Variants in RPF1 observed in about 807,000 individuals in gnomAD.
RPF1 encodes the protein ribosome production factor 1 homolog, also known as ribosome production factor 1.
In RPF1, 34 loss-of-function variants were observed where a neutral mutation model predicts 41.9. The observed-to-expected ratio is 0.81, with a 90% CI of 0.62 to 1.08. The LOEUF is 1.08. RPF1 is among the 50% of genes least tolerant of loss of function. The pLI, the probability that RPF1 is intolerant of heterozygous loss-of-function variation, is 0.00. For synonymous variants in RPF1, 140 were observed against 148.9 expected (o/e 0.94, Z 0.43); for missense variants, 425 against 435.2 (o/e 0.98, Z 0.21).
intron 3 of RPF1, among the ~76,000 whole-genome samples, chr1:84,486,087 A>T (rs925739049): frequency 6.6e-6 from 1 of 152,180 alleles, no homozygotes; most frequent in African/African-American, 2.4e-5. Flanking sequence ...CCAGTGCACA[A>T]GCTCCAAGGC....
chr1:84,497,382 AT>A, intron 8 of RPF1, 46 bp from the exon 9 acceptor site: 1 of 1,496,218 alleles, frequency 6.7e-7, no homozygotes, highest in Non-Finnish European at 9.3e-7. Context: ...TGTTAATTAT[AT>A]TTTTGTTTTG....
At position 84,492,239 on chromosome 1, in the gene RPF1, G is replaced by T. The variant is rs151154368; in HGVS notation, c.616+1767G>T. On this transcript the variant is annotated intron_variant, in intron 5 of 8. Transcript: ENST00000370654. ...ATCACAACTCCTAATGGTGACACATGGGGGGAAAGTTGAAAAAACAGGATT... is the reference window on the plus strand; with the variant it reads ...ATCACAACTCCTAATGGTGACACATTGGGGGAAAGTTGAAAAAACAGGATT... Among the ~76,000 whole-genome samples the T allele has an allele frequency of 4.7e-5, 7 of 148,776 alleles. No individual in the cohort carries two copies. In the East Asian group the frequency reaches 1.3e-3, roughly 29 times the overall value.
At chr1:84,480,581 A>G (rs1188361821) in intron 1 of RPF1, among the ~76,000 whole-genome samples, 1 of 152,230 alleles carries the variant, frequency 6.6e-6, no homozygotes, top group African/African-American at 2.4e-5. Flanking sequence ...AAGAGAAGCA[A>G]GCAGCATAAC....
At chr1:84,488,106 T>G (rs1383669950) in intron 3 of RPF1, among the ~76,000 whole-genome samples, 1 of 152,122 alleles carries the variant, frequency 6.6e-6, no homozygotes, top group Admixed American at 6.6e-5. Flanking sequence ...GCAAAATGCT[T>G]CTTTCACTCC....
At chr1:84,495,273 G>A (rs1681912192) in intron 5 of RPF1, 100 bp from the exon 6 acceptor site, 4 of 677,020 alleles carry the variant, frequency 5.9e-6, no homozygotes, top group South Asian at 1.8e-5. Flanking sequence ...ATTCACTTGG[G>A]TACAGATTTT....
chr1:84,481,615 A>G (rs1482937232), intron 2 of RPF1, among the ~76,000 whole-genome samples: 1 of 151,220 alleles, frequency 6.6e-6, no homozygotes, highest in Non-Finnish European at 1.5e-5. Flanking sequence ...AAAAGAGCAG[A>G]TAATGCATCA....
chr1:84,496,832 GATC>G (rs1164859731), intron 8 of RPF1, among the ~76,000 whole-genome samples: 6 of 152,142 alleles, frequency 3.9e-5, no homozygotes, highest in Non-Finnish European at 7.3e-5. Flanking sequence ...GAAGTTTGGA[GATC>G]ATCATCTTAA....
chr1:84,492,540 G>A (rs896867086), intron 5 of RPF1, among the ~76,000 whole-genome samples: 7 of 152,142 alleles, frequency 4.6e-5, no homozygotes, highest in Non-Finnish European at 8.8e-5. Flanking sequence ...TTTTTTAAAT[G>A]TGGGAAATAA....
Position 84,490,361 on chromosome 1 carries a change from A to G in RPF1, c.505A>G (p.Asn169Asp). ...LCEQLSTVIPNSHVYYRRGLA... is the reference protein window; with the variant it reads ...LCEQLSTVIPDSHVYYRRGLA... ...TGAACAGCTCTCCACAGTTATACCA[A>G]ACTCACATGTTTATTACAGAAGAGG... is the stretch of plus-strand genomic sequence containing the variant. Residue 169 changes from asparagine to aspartate, a missense_variant, in exon 5 of 9, where the codon AAC (asparagine) becomes GAC (aspartate). Transcript: ENST00000370654. 1 of 1,609,950 alleles carries G rather than the reference A, an allele frequency of 6.2e-7. No individual in the cohort carries two copies. The highest frequency in any genetic ancestry group is 8.5e-7 in the Non-Finnish European group (1 of 1,178,460).
At chr1:84,490,212 T>C in intron 4 of RPF1, 107 bp from the exon 5 acceptor site, 1 of 717,208 alleles carries the variant, frequency 1.4e-6, no homozygotes, top group Non-Finnish European at 2.1e-6. Flanking sequence ...AATGTTGCTT[T>C]CTATTAATCA....
chr1:84,480,907 T>G, intron 1 of RPF1, 49 bp from the exon 2 acceptor site: 1 of 981,080 alleles, frequency 1.0e-6, no homozygotes, highest in Non-Finnish European at 1.6e-6. Flanking sequence ...GTGTTTGTGA[T>G]ATAACTGGTT....
rs1440333739 is a variant in RPF1, at chr1:84,482,785, C to T, written c.286-130C>T. On this transcript the variant is annotated intron_variant, in intron 2 of 8. Transcript: ENST00000370654. ...AATATTGTTATTAGAATTGATGTAG[C>T]AATAGAAGTGGATTGATATGAGGAA... 5 of 557,008 alleles carry T rather than the reference C, an allele frequency of 9.0e-6. No individual in the cohort carries two copies. In the East Asian group the frequency reaches 1.1e-4, roughly 13 times the overall value. 34.5% of individuals were successfully genotyped at this position (557,008 alleles called of 1,614,324 possible). A position where few individuals can be genotyped will look rare whatever the true frequency, so the allele number is the denominator to read the frequency against.
intron 8 of RPF1, among the ~76,000 whole-genome samples, chr1:84,496,868 T>C (rs1340271872): frequency 1.3e-5 from 2 of 152,004 alleles, no homozygotes; most frequent in Non-Finnish European, 2.9e-5. Context: ...AACTTTTTTG[T>C]TGTTGTTGTT....
intron 2 of RPF1, 28 bp from the exon 3 acceptor site, chr1:84,482,887 A>AC: frequency 7.0e-7 from 1 of 1,424,908 alleles, no homozygotes; most frequent in Non-Finnish European, 9.8e-7. Context: ...AAATCCTTCT[A>AC]AAATGTAATC....
chr1:84,488,651 C>G (rs1473260959), intron 3 of RPF1, among the ~76,000 whole-genome samples: 1 of 152,046 alleles, frequency 6.6e-6, no homozygotes, highest in East Asian at 1.9e-4. Context: ...AAGAATACTT[C>G]CAATGAGTCA....
rs1570354553 is a variant in RPF1, at chr1:84,495,918, A to G, written c.736A>G (p.Ile246Val). 6.2e-7 allele frequency: 1 copy of G among 1,610,536 alleles called. No homozygotes were observed. Among genetic ancestry groups the G allele is most frequent in the Non-Finnish European group, 8.5e-7 (1 of 1,177,338 alleles). Residue 246 changes from isoleucine to valine, a missense_variant, in exon 7 of 9, where the codon ATA becomes GTA. Coordinates refer to ENST00000370654, the MANE Select transcript of RPF1 (RefSeq NM_025065.7). ...GKDPTEHIPE[I>V]ILNNFTTRLG... is the part of the protein sequence containing the mutation. ...GGACCCCACAGAACACATACCTGAAATAATTCTGAATAATTTTACAACACG... is the reference window on the plus strand; with the variant it reads ...GGACCCCACAGAACACATACCTGAAGTAATTCTGAATAATTTTACAACACG...
chr1:84,486,358 C>T (rs1470225715), intron 3 of RPF1, among the ~76,000 whole-genome samples: 4 of 152,052 alleles, frequency 2.6e-5, no homozygotes, highest in East Asian at 3.9e-4. Flanking sequence ...GAGGCCGAGA[C>T]GGGTGGATCA....
chr1:84,479,517 A>C lies in RPF1; in HGVS notation c.228+8A>C, dbSNP rs199963998. ...AAACAGCAGCAGCGGAAGGTACGCG[A>C]GAGGCGGGGGCTGCCGGGCGCTTGC... On this transcript the variant is annotated splice_region_variant and intron_variant, in intron 1 of 8. Transcript: ENST00000370654. 2 of 1,613,162 alleles carry C rather than the reference A, an allele frequency of 1.2e-6. No homozygotes were observed. Among genetic ancestry groups the C allele is most frequent in the East Asian group, 2.2e-5 (1 of 44,856 alleles).
rs761533998 is a variant in RPF1, at chr1:84,496,268, A to G, written c.906A>G (p.Lys302=). 6.2e-7 allele frequency: 1 copy of G among 1,613,494 alleles called. No individual in the cohort carries two copies. The highest frequency in any genetic ancestry group is 1.3e-5 in the African/African-American group (1 of 75,018). Reference sequence around the variant, plus strand: ...GATACATATTCAGGAGTGAAAAGAAAGTGGGAATTCAGGAACTTGGACCAC... The same window carrying G: ...GATACATATTCAGGAGTGAAAAGAAGGTGGGAATTCAGGAACTTGGACCAC... ...FHRYIFRSEK[K]VGIQELGPRF... Residue 302 remains lysine, a synonymous_variant, in exon 8 of 9, where the codon AAA becomes AAG. Transcript: ENST00000370654.
Sources: allele counts gnomAD v4.1 joint callset (sites outside exome capture counted in the v4.1 genomes callset), GRCh38; gene constraint gnomAD v4.1.1; transcripts MANE v1.5; gene names NCBI Gene and HGNC (gene_info 2026-07-23, HGNC 2026-07-21).